Variants in PLD5 observed in about 807,000 individuals in gnomAD.
PLD5 encodes inactive phospholipase D5.
A neutral mutation model predicts 61.1 loss-of-function variants in PLD5; 36 were observed. The ratio of observed to expected loss-of-function variants is 0.59; its 90% CI spans 0.45 to 0.78. PLD5 has a LOEUF of 0.78. PLD5 is among the 30% of genes least tolerant of loss of function. PLD5 has a pLI of 0.00. For synonymous variants in PLD5, 243 were observed against 242.8 expected (o/e 1.00, Z -0.01); for missense variants, 515 against 644.4 (o/e 0.80, Z 2.17).
chr1:242,329,548 T>A (rs1018405567), intron 2 of PLD5, among the ~76,000 whole-genome samples: 2 of 151,150 alleles, frequency 1.3e-5, no homozygotes, highest in African/African-American at 2.4e-5. Context: ...AAAATAGAAC[T>A]GCATTCTCCA....
chr1:242,219,578 CA>C (rs1462819481), intron 5 of PLD5, among the ~76,000 whole-genome samples: 2 of 152,158 alleles, frequency 1.3e-5, no homozygotes, highest in Admixed American at 1.3e-4. Flanking sequence ...AGAAAGATAA[CA>C]TCTTCATCTT....
At chr1:242,128,722 A>G (rs771161766) in intron 5 of PLD5, among the ~76,000 whole-genome samples, 1 of 152,172 alleles carries the variant, frequency 6.6e-6, no homozygotes, top group Non-Finnish European at 1.5e-5. Flanking sequence ...CAGGGAGCAC[A>G]GAAACTAGAG....
intron 1 of PLD5, among the ~76,000 whole-genome samples, chr1:242,497,175 C>G (rs1157606794): frequency 1.3e-5 from 2 of 152,216 alleles, no homozygotes; most frequent in Non-Finnish European, 2.9e-5. Flanking sequence ...AAAACTACAT[C>G]TACTGCATAA....
chr1:242,524,391 T>C lies in PLD5; in HGVS notation c.-115A>G, dbSNP rs1669379377. On this transcript the variant is annotated 5_prime_UTR_variant, in exon 1 of 10. Transcript: ENST00000536534. ...GGGAGCCGGAGGTGGAGCTGGAGAC[T>C]GAGCTGGAGGAGCTGGAGGAGCGAG... The C allele has an allele frequency of 9.5e-7, 1 of 1,056,762 alleles. No homozygotes were observed. The highest frequency in any genetic ancestry group is 3.3e-5 in the East Asian group (1 of 30,230). The allele number at this position is 1,056,762 out of a possible 1,614,324, so 65.5% of individuals were successfully genotyped here.
intron 5 of PLD5, among the ~76,000 whole-genome samples, chr1:242,170,636 T>C (rs931548855): frequency 1.3e-5 from 2 of 152,124 alleles, no homozygotes; most frequent in Admixed American, 6.6e-5. Context: ...TCTAACCCAA[T>C]GCAAGGAAGC....
intron 1 of PLD5, among the ~76,000 whole-genome samples, chr1:242,351,137 G>A (rs1282497433): frequency 5.3e-5 from 8 of 152,050 alleles, no homozygotes; most frequent in African/African-American, 1.7e-4. Flanking sequence ...CTGACTTCAG[G>A]TGATCCACCC....
rs559342925 is a variant in PLD5 at position 242,366,594 on chromosome 1, C to T, written c.190-18352G>A. ...AAATAATGGCAACAAATTACCATTA[C>T]CATTTACTATTAATAAATTACCATT... On this transcript the variant is annotated intron_variant, in intron 1 of 9. Transcript: ENST00000536534. Among the ~76,000 whole-genome samples the T allele has an allele frequency of 1.6e-4, 24 of 152,246 alleles. No individual in the cohort carries two copies. The South Asian group carries it at 4.8e-3, about 30-fold the overall frequency.
intron 1 of PLD5, among the ~76,000 whole-genome samples, chr1:242,473,250 A>C (rs977140036): frequency 2.6e-5 from 4 of 152,186 alleles, no homozygotes; most frequent in Admixed American, 6.5e-5. Context: ...AGAGGAATTT[A>C]AAAGAAGTAG....
chr1:242,235,486 C>T (rs1033472957), intron 4 of PLD5: 1 of 152,080 alleles, frequency 6.6e-6, no homozygotes, highest in African/African-American at 2.4e-5. Context: ...CTGAGAAACT[C>T]AGAAATTTCA....
rs1659606753 is a variant in PLD5, at chr1:242,088,929, A to G, written c.*925T>C. ...AAGAAATTAAAATCCACTGACGCAT[A>G]GAGATTTTTTCCTTTATAATACCAT... On this transcript the variant is annotated 3_prime_UTR_variant, in exon 10 of 10. Coordinates refer to ENST00000536534, the MANE Select transcript of PLD5 (RefSeq NM_001372062.1). 1 of 132,386 alleles carries G rather than the reference A, an allele frequency of 7.6e-6. No homozygotes were observed. The highest frequency in any genetic ancestry group is 7.7e-5 in the Admixed American group (1 of 13,008). 8.2% of individuals were successfully genotyped at this position (132,386 alleles called of 1,614,324 possible).
chr1:242,263,719 G>A lies in PLD5; in HGVS notation c.607+1618C>T, dbSNP rs916343836. 1.1e-4 allele frequency among the ~76,000 whole-genome samples: 17 copies of A among 152,228 alleles called. No homozygotes were observed. The East Asian group carries it at 2.3e-3, about 21-fold the overall frequency. ...GTTGTAGTAGTATCTACATATGCTT[G>A]GAAATTCAAACACTTCTTTTTCTGT... On this transcript the variant is annotated intron_variant, in intron 4 of 9. Coordinates refer to ENST00000536534, the MANE Select transcript of PLD5 (RefSeq NM_001372062.1).
chr1:242,088,158 G>C lies in PLD5; in HGVS notation c.*1696C>G, dbSNP rs1336940479. On this transcript the variant is annotated 3_prime_UTR_variant, in exon 10 of 10. Coordinates refer to ENST00000536534, the MANE Select transcript of PLD5 (RefSeq NM_001372062.1). ...AAAAAGAATAACTGAGTGTTTCCTT[G>C]CTCTGAAAATACATGTATATTATGG... 1 of 152,128 alleles carries C rather than the reference G, an allele frequency of 6.6e-6. No homozygotes were observed. Among genetic ancestry groups the C allele is most frequent in the African/African-American group, 2.4e-5 (1 of 41,424 alleles). 9.4% of individuals were successfully genotyped at this position (152,128 alleles called of 1,614,324 possible). A position where few individuals can be genotyped will look rare whatever the true frequency, so the allele number is the denominator to read the frequency against.
chr1:242,089,410 AC>A lies in PLD5; in HGVS notation c.*443del. 11 of 401,952 alleles carry A rather than the reference AC, an allele frequency of 2.7e-5. No homozygotes were observed. The highest frequency in any genetic ancestry group is 2.4e-4 in the South Asian group (2 of 8,394). 24.9% of individuals were successfully genotyped at this position (401,952 alleles called of 1,614,324 possible). ...ACTGTGTAGGTCTTGGAGACGATTT[AC>A]AAGAATAAACACTTGGTTTTATCAG... On this transcript the variant is annotated 3_prime_UTR_variant, in exon 10 of 10. Transcript: ENST00000536534.
intron 5 of PLD5, among the ~76,000 whole-genome samples, chr1:242,127,439 G>GAT (rs1052957265): frequency 6.6e-6 from 1 of 152,136 alleles, no homozygotes; most frequent in African/African-American, 2.4e-5. Context: ...AAGAAACTGT[G>GAT]ATATATATGC....
chr1:242,251,560 G>A (rs751857804), intron 4 of PLD5, among the ~76,000 whole-genome samples: 19 of 152,054 alleles, frequency 1.2e-4, no homozygotes, highest in African/African-American at 2.4e-4. Flanking sequence ...GGGCAGAGCC[G>A]GGCTGCCGCA....
At chr1:242,234,432 T>A (rs1390721659) in intron 4 of PLD5, among the ~76,000 whole-genome samples, 1 of 152,082 alleles carries the variant, frequency 6.6e-6, no homozygotes, top group East Asian at 1.9e-4. Flanking sequence ...AACTTTTTTT[T>A]CAGAAAAAGA....
At chr1:242,519,900 G>C (rs1440471956) in intron 1 of PLD5, among the ~76,000 whole-genome samples, 1 of 152,220 alleles carries the variant, frequency 6.6e-6, no homozygotes, top group Non-Finnish European at 1.5e-5. Flanking sequence ...TTTGGGCAGA[G>C]TGAGAGGACT....
chr1:242,174,743 T>C (rs1387668155), intron 5 of PLD5, among the ~76,000 whole-genome samples: 2 of 152,090 alleles, frequency 1.3e-5, no homozygotes, highest in African/African-American at 4.8e-5. Context: ...GTTCATGTCC[T>C]TTGTAGGGAC....
chr1:242,185,808 T>C (rs2148913801), intron 5 of PLD5, among the ~76,000 whole-genome samples: 1 of 151,946 alleles, frequency 6.6e-6, no homozygotes, highest in East Asian at 1.9e-4. Context: ...GACATGAGAG[T>C]CTTTTACTAT....
Sources: allele counts gnomAD v4.1 joint callset (sites outside exome capture counted in the v4.1 genomes callset), GRCh38; gene constraint gnomAD v4.1.1; transcripts MANE v1.5; gene names NCBI Gene and HGNC (gene_info 2026-07-23, HGNC 2026-07-21).